The following KALRN variants were observed in gnomAD, a reference collection of about 807,000 sequenced individuals.
The protein encoded by KALRN is kalirin.
Under a neutral mutation model 353.7 loss-of-function variants are expected in KALRN, and 70 were observed. The ratio of observed to expected loss-of-function variants is 0.20; its 90% CI spans 0.16 to 0.24. The LOEUF is 0.24. Among genes scored for constraint, KALRN ranks in the 10% least tolerant of loss-of-function variants. KALRN has a pLI of 1.00. For synonymous variants in KALRN, 1,391 were observed against 1,434.8 expected, an observed-to-expected ratio of 0.97 and a Z score of 0.69; for missense variants, 2,791 against 3,756.7, an observed-to-expected ratio of 0.74 and a Z score of 6.72.
intron 33 of KALRN, among the ~76,000 whole-genome samples, chr3:124,525,271 G>A (rs538623010): frequency 6.6e-6 from 1 of 152,286 alleles, no homozygotes; most frequent in Non-Finnish European, 1.5e-5. Context: ...GTTTCTATGT[G>A]TCTGCTTTTG....
At chr3:124,097,806 C>T (rs1050533103) in intron 1 of KALRN, among the ~76,000 whole-genome samples, 12 of 152,358 alleles carry the variant, frequency 7.9e-5, no homozygotes, top group Admixed American at 7.8e-4. Flanking sequence ...TGACAGTGTA[C>T]TACCAGCTTG....
At chr3:124,668,578 A>G (rs1354730130) in intron 47 of KALRN, among the ~76,000 whole-genome samples, 1 of 152,234 alleles carries the variant, frequency 6.6e-6, no homozygotes, top group Non-Finnish European at 1.5e-5. Context: ...ACGACTTTTT[A>G]AGATAGAACA....
At chr3:124,352,954 G>T (rs998995133) in intron 10 of KALRN, among the ~76,000 whole-genome samples, 1 of 152,108 alleles carries the variant, frequency 6.6e-6, no homozygotes, top group African/African-American at 2.4e-5. Context: ...CATGGCACAT[G>T]TATACCTATG....
chr3:124,294,963 G>T (rs2149179625), intron 5 of KALRN, among the ~76,000 whole-genome samples: 1 of 152,334 alleles, frequency 6.6e-6, no homozygotes, highest in South Asian at 2.1e-4. Flanking sequence ...TGTGGAGTTA[G>T]TGACAGAGCT....
At chr3:124,111,581 C>G (rs943515280) in intron 1 of KALRN, among the ~76,000 whole-genome samples, 1 of 152,162 alleles carries the variant, frequency 6.6e-6, no homozygotes, top group Non-Finnish European at 1.5e-5. Flanking sequence ...CTATCACAGT[C>G]TGTGCTCAGG....
chr3:124,132,430 C>G (rs564747623), intron 1 of KALRN, among the ~76,000 whole-genome samples: 1 of 152,330 alleles, frequency 6.6e-6, no homozygotes, highest in Admixed American at 6.5e-5. Context: ...TGAGAGGGAG[C>G]CTCCATCACT....
rs555532523 is a variant in KALRN, at chr3:124,500,296, T to C, written c.4935+3883T>C. On this transcript the variant is annotated intron_variant, in intron 33 of 59. Coordinates refer to ENST00000682506, the MANE Select transcript of KALRN (RefSeq NM_001388419.1). ...CATGTATTGAATACAAATTATCTTG[T>C]CCAGTGTGTTAGCCATATCGCTCTG... 3.3e-5 allele frequency among the ~76,000 whole-genome samples: 5 copies of C among 152,338 alleles called. No homozygotes were observed. In the South Asian group the frequency reaches 1.0e-3, roughly 32 times the overall value.
intron 36 of KALRN, among the ~76,000 whole-genome samples, chr3:124,635,557 A>C (rs2081270175): frequency 1.3e-5 from 2 of 152,070 alleles, no homozygotes; most frequent in Non-Finnish European, 1.5e-5. Context: ...TTTTTTATAA[A>C]TGTTTGGGAG....
intron 25 of KALRN, among the ~76,000 whole-genome samples, chr3:124,468,069 A>G (rs2060516513): frequency 6.6e-6 from 1 of 152,042 alleles, no homozygotes; most frequent in South Asian, 2.1e-4. Flanking sequence ...AAAGACCTAG[A>G]CCTTCCCAGA....
At chr3:124,715,832 G>A (rs2063110820) in intron 58 of KALRN, among the ~76,000 whole-genome samples, 1 of 152,166 alleles carries the variant, frequency 6.6e-6, no homozygotes, top group South Asian at 2.1e-4. Context: ...TGCTGTAAGA[G>A]GACAGAGGGT....
At chr3:124,679,669 A>T in intron 51 of KALRN, 152 bp downstream of exon 51, 1 of 764,416 alleles carries the variant, frequency 1.3e-6, no homozygotes, top group South Asian at 1.4e-5. Flanking sequence ...TAAAAGAAAC[A>T]AACAAAAACA....
At chr3:124,474,621 C>T (rs2061271940) in intron 25 of KALRN, 42 bp from the exon 26 acceptor site, 1 of 1,526,484 alleles carries the variant, frequency 6.6e-7, no homozygotes, top group African/African-American at 1.4e-5. Context: ...GGGGGGTCAG[C>T]TGCACAGAGG....
At chr3:124,435,902 A>T (rs1038221714) in intron 17 of KALRN, among the ~76,000 whole-genome samples, 1 of 152,252 alleles carries the variant, frequency 6.6e-6, no homozygotes, top group African/African-American at 2.4e-5. Flanking sequence ...AAGAAACTAG[A>T]AGAGCCAAAA....
intron 1 of KALRN, among the ~76,000 whole-genome samples, chr3:124,036,683 A>C (rs1383185810): frequency 6.6e-6 from 1 of 152,180 alleles, no homozygotes; most frequent in East Asian, 1.9e-4. Flanking sequence ...AGCTTCAAAC[A>C]AATTTTCAAA....
chr3:124,584,733 G>A (rs1253770641), intron 34 of KALRN: 1 of 1,506,924 alleles, frequency 6.6e-7, no homozygotes, highest in Non-Finnish European at 8.9e-7. Flanking sequence ...CCGGCTCTCG[G>A]GCGGCGGCGC....
At chr3:124,350,101 T>A (rs1348974430) in intron 10 of KALRN, among the ~76,000 whole-genome samples, 1 of 152,216 alleles carries the variant, frequency 6.6e-6, no homozygotes, top group Admixed American at 6.5e-5. Context: ...TGATATAGCC[T>A]CAGAGGCAAT....
chr3:124,051,041 A>G (rs1374743425), intron 1 of KALRN, among the ~76,000 whole-genome samples: 4 of 152,188 alleles, frequency 2.6e-5, no homozygotes. Context: ...GGGGGAAGAA[A>G]GGTTTAGAAA....
chr3:124,395,735 C>T (rs898648243), intron 12 of KALRN, among the ~76,000 whole-genome samples: 15 of 152,122 alleles, frequency 9.9e-5, no homozygotes, highest in Non-Finnish European at 1.9e-4. Context: ...GAACTCTGAC[C>T]TCCAGTGCCC....
intron 1 of KALRN, among the ~76,000 whole-genome samples, chr3:124,089,958 C>T (rs2061020631): frequency 6.6e-6 from 1 of 152,134 alleles, no homozygotes; most frequent in South Asian, 2.1e-4. Context: ...TTCCTGAGGG[C>T]CTAAATATTA....
Sources: allele counts gnomAD v4.1 joint callset (sites outside exome capture counted in the v4.1 genomes callset), GRCh38; gene constraint gnomAD v4.1.1; transcripts MANE v1.5; gene names NCBI Gene and HGNC (gene_info 2026-07-23, HGNC 2026-07-21).